The following HSD17B12 variants were observed in gnomAD, a reference collection of about 807,000 sequenced individuals.
HSD17B12 encodes hydroxysteroid 17-beta dehydrogenase 12.
Under a neutral mutation model 39.3 loss-of-function variants are expected in HSD17B12, and 32 were observed. The ratio of observed to expected loss-of-function variants is 0.81; its 90% confidence interval spans 0.61 to 1.09. The LOEUF is 1.09. HSD17B12 is among the 50% of genes least tolerant of loss of function. HSD17B12 has a pLI of 0.00. For synonymous variants in HSD17B12, 150 were observed against 146.7 expected (o/e 1.02, Z -0.16); for missense variants, 342 against 382.9 (o/e 0.89, Z 0.89).
chr11:43,583,241 C>T, the HSD17B12 span, among the ~76,000 whole-genome samples: 1 of 152,222 alleles, frequency 6.6e-6, no homozygotes, highest in Non-Finnish European at 1.5e-5. Flanking sequence ...GACCCTAGCC[C>T]CCTCACTTCT....
upstream of HSD17B12, among the ~76,000 whole-genome samples, chr11:43,675,711 G>A (rs971160058): frequency 6.6e-6 from 1 of 152,104 alleles, no homozygotes; most frequent in Non-Finnish European, 1.5e-5. Context: ...GGCTAAAAAT[G>A]CTTGTGATTT....
the HSD17B12 span, among the ~76,000 whole-genome samples, chr11:43,592,236 A>G: frequency 2.0e-5 from 3 of 152,072 alleles, no homozygotes; most frequent in African/African-American, 4.8e-5. Flanking sequence ...GGGATTATAC[A>G]TGACATTAAA....
chr11:43,565,453 AC>A, the HSD17B12 span, among the ~76,000 whole-genome samples: 1 of 152,178 alleles, frequency 6.6e-6, no homozygotes, highest in African/African-American at 2.4e-5. Flanking sequence ...GCTGGTCCAA[AC>A]CCCAGTGAGT....
chr11:43,720,597 A>G (rs1011195291), intron 1 of HSD17B12, among the ~76,000 whole-genome samples: 1 of 152,182 alleles, frequency 6.6e-6, no homozygotes, highest in African/African-American at 2.4e-5. Flanking sequence ...TCCCTTAAGC[A>G]AGTCAATCAA....
At chr11:43,845,726 G>C (rs114160550) in intron 9 of HSD17B12, among the ~76,000 whole-genome samples, 1 of 152,058 alleles carries the variant, frequency 6.6e-6, no homozygotes, top group South Asian at 2.1e-4. Flanking sequence ...CATTGGTGGC[G>C]ATGTTTCTGA....
intron 1 of HSD17B12, among the ~76,000 whole-genome samples, chr11:43,688,764 C>G (rs915575400): frequency 6.6e-6 from 1 of 152,180 alleles, no homozygotes; most frequent in Non-Finnish European, 1.5e-5. Context: ...TGTGCTGTTA[C>G]TAAGCTGGTT....
chr11:43,692,022 C>A (rs1430607564), intron 1 of HSD17B12, among the ~76,000 whole-genome samples: 2 of 152,152 alleles, frequency 1.3e-5, no homozygotes, highest in African/African-American at 4.8e-5. Context: ...AGTGACTGTG[C>A]ACTTTTGGAA....
At chr11:43,779,211 A>T (rs1184985961) in intron 3 of HSD17B12, among the ~76,000 whole-genome samples, 1 of 152,198 alleles carries the variant, frequency 6.6e-6, no homozygotes, top group Non-Finnish European at 1.5e-5. Flanking sequence ...TGCTTAAATT[A>T]GTGGAGAGGA....
intron 1 of HSD17B12, among the ~76,000 whole-genome samples, chr11:43,720,796 G>T (rs1382882375): frequency 1.4e-5 from 2 of 144,154 alleles, no homozygotes; most frequent in Admixed American, 1.4e-4. Context: ...GGTAGCCTGT[G>T]TATGTATCTG....
chr11:43,854,973 A>G lies in HSD17B12; in HGVS notation c.834+109A>G, dbSNP rs1375813375. 10 of 1,213,782 alleles carry G rather than the reference A, an allele frequency of 8.2e-6. No homozygotes were observed. In the Admixed American group the frequency reaches 1.5e-4, roughly 18 times the overall value. 75.2% of individuals were successfully genotyped at this position (1,213,782 alleles called of 1,614,324 possible). ...ATTAGCACATATACATTGTCCAGCC[A>G]TAGTAACAAGATATCTATATCTTGT... is the stretch of plus-strand genomic sequence containing the variant. On this transcript the variant is annotated intron_variant, in intron 10 of 10. Coordinates refer to ENST00000278353, the MANE Select transcript of HSD17B12 (RefSeq NM_016142.3).
Position 43,815,502 on chromosome 11 carries a change from G to A in HSD17B12, c.456+1G>A, listed in dbSNP as rs778913198. The A allele has an allele frequency of 9.7e-6, 15 of 1,551,896 alleles. No homozygotes were observed. The highest frequency in any genetic ancestry group is 3.6e-5 in the South Asian group (3 of 82,756). ...TTTGGATGTTCCTGACTTGGACAAT[G>A]TAAGTCTTTCTTTGTGTATTATGGT... On this transcript the variant is annotated splice_donor_variant, in intron 5 of 10. Transcript: ENST00000278353. LOFTEE classifies it high-confidence loss of function.
At chr11:43,659,443 C>T in the HSD17B12 span, among the ~76,000 whole-genome samples, 1 of 152,166 alleles carries the variant, frequency 6.6e-6, no homozygotes, top group Non-Finnish European at 1.5e-5. Flanking sequence ...GAAACCGGTA[C>T]CTCAGTTGGA....
intron 3 of HSD17B12, among the ~76,000 whole-genome samples, chr11:43,786,318 G>T (rs1156670126): frequency 6.6e-6 from 1 of 152,154 alleles, no homozygotes; most frequent in Non-Finnish European, 1.5e-5. Context: ...TCAAATAGAG[G>T]TTTAACAAAA....
At chr11:43,616,236 C>T in the HSD17B12 span, among the ~76,000 whole-genome samples, 1 of 151,772 alleles carries the variant, frequency 6.6e-6, no homozygotes, top group East Asian at 1.9e-4. Context: ...GGTGAAACCC[C>T]GTCTCTACTA....
intron 1 of HSD17B12, among the ~76,000 whole-genome samples, chr11:43,730,684 C>G (rs142730017): frequency 4.0e-4 from 61 of 152,276 alleles, no homozygotes; most frequent in East Asian, 3.3e-3. Flanking sequence ...GTGAGTCAGG[C>G]ATGACAAGTA....
chr11:43,671,568 A>G, the HSD17B12 span, among the ~76,000 whole-genome samples: 136,149 of 152,244 alleles, frequency 0.89, 62,062 homozygotes, highest in Non-Finnish European at 0.98. Context: ...TTGATGGAAC[A>G]ATTATTAGAT....
intron 1 of HSD17B12, among the ~76,000 whole-genome samples, chr11:43,747,478 C>T (rs1180290626): frequency 6.6e-6 from 1 of 152,038 alleles, no homozygotes; most frequent in African/African-American, 2.4e-5. Flanking sequence ...AAATAGGGGA[C>T]AATAAGTTCT....
chr11:43,832,600 A>G (rs576883052), intron 7 of HSD17B12, among the ~76,000 whole-genome samples: 1 of 152,224 alleles, frequency 6.6e-6, no homozygotes, highest in Non-Finnish European at 1.5e-5. Context: ...CTTCACTGCT[A>G]TCTCTGTAGA....
the HSD17B12 span, among the ~76,000 whole-genome samples, chr11:43,671,226 G>A: frequency 6.7e-4 from 102 of 152,074 alleles, no homozygotes; most frequent in Non-Finnish European, 1.2e-3. Context: ...GTGCAGTGGC[G>A]CCATCTTGGC....
Sources: allele counts gnomAD v4.1 joint callset (sites outside exome capture counted in the v4.1 genomes callset), GRCh38; gene constraint gnomAD v4.1.1; transcripts MANE v1.5; gene names NCBI Gene and HGNC (gene_info 2026-07-23, HGNC 2026-07-21).